The following PLK3 variants were observed in gnomAD, a reference collection of about 807,000 sequenced individuals.
PLK3 encodes polo like kinase 3, also known as serine/threonine-protein kinase PLK3.
PLK3 carries 41 observed loss-of-function variants against 71.6 expected under a neutral mutation model. The ratio of observed to expected loss-of-function variants is 0.57; its 90% confidence interval spans 0.45 to 0.74. PLK3 has a LOEUF of 0.74. Among genes scored for constraint, PLK3 ranks in the 30% least tolerant of loss-of-function variants. The probability of loss-of-function intolerance (pLI) is 0.00; values close to 1 mark genes in which losing one functional copy is unlikely to be tolerated. For missense variants in PLK3, 791 were observed against 875.6 expected, an observed-to-expected ratio of 0.90 and a Z score of 1.22; for synonymous variants, 366 against 355.4, an observed-to-expected ratio of 1.03 and a Z score of -0.33.
In PLK3 at chr1:44,803,602, A is replaced by G; in HGVS notation, c.1075A>G (p.Lys359Glu). ...ACGGTATCACCTTTCACCCCCAGGT[A>G]AGAATCATGCCCAGGAGAGGGATGA... ...KSLFGRKKKS[K>E]NHAQERDEVS... The change falls in exon 9 of 15, where the codon AAG (lysine) becomes GAG (glutamate). Residue 359 changes from lysine (K) to glutamate (E), a missense_variant and splice_region_variant. Physicochemically the swap from Lys to Glu is moderately conservative, Grantham distance 56. Transcript: ENST00000372201. The surrounding 1 kb of genome is among the most constrained non-coding windows in gnomAD (Gnocchi z 4.3). The G allele has an allele frequency of 4.3e-6, 7 of 1,613,604 alleles. No individual in the cohort carries two copies. Among genetic ancestry groups the G allele is most frequent in the Non-Finnish European group, 5.9e-6 (7 of 1,179,542 alleles).
chr1:44,800,674 G>T lies in PLK3; in HGVS notation c.210+1G>T. On this transcript the variant is annotated splice_donor_variant, in intron 1 of 14. Coordinates refer to ENST00000372201, the MANE Select transcript of PLK3 (RefSeq NM_004073.4). LOFTEE classifies it high-confidence loss of function. This position sits in a 1 kb window ranked among gnomAD's most constrained non-coding sequence, Gnocchi z 6.5. ...CCTCAAAGGCCGCTTGTTGGGCAAG[G>T]TGGGCCGAGGGACGTCCGCGGGGTG... 6.4e-7 allele frequency: 1 copy of T among 1,552,996 alleles called. No homozygotes were observed.
chr1:44,801,504 A>G (rs2148854960), intron 3 of PLK3, 118 bp from the exon 4 acceptor site: 2 of 1,121,022 alleles, frequency 1.8e-6, no homozygotes, highest in Non-Finnish European at 2.5e-6. Flanking sequence ...CACTACACCC[A>G]GCCGAGAAGA....
Position 44,800,446 on chromosome 1 carries a change from C to T in PLK3, c.-18C>T, listed in dbSNP as rs1651787511. On this transcript the variant is annotated 5_prime_UTR_variant, in exon 1 of 15. Transcript: ENST00000372201. This position sits in a 1 kb window ranked among gnomAD's most constrained non-coding sequence, Gnocchi z 6.5. The stretch of plus-strand genomic sequence containing the variant: ...GCGGAACCGAGAAGCCGGGACCGCG[C>T]TGCGACGCGCCGGCCGCATGGAGCC... 8 of 1,343,044 alleles carry T rather than the reference C, an allele frequency of 6.0e-6. No homozygotes were observed. The highest frequency in any genetic ancestry group is 7.6e-6 in the Non-Finnish European group (8 of 1,053,836). The allele number at this position is 1,343,044 out of a possible 1,614,324, so 83.2% of individuals were successfully genotyped here.
rs749587381 is a variant in PLK3, at chr1:44,802,997, C to T, written c.792C>T (p.Asp264=). 3.7e-6 allele frequency: 6 copies of T among 1,614,056 alleles called. No individual in the cohort carries two copies. The highest frequency in any genetic ancestry group is 5.1e-6 in the Non-Finnish European group (6 of 1,179,986). ...GGAGCCCTCCCTTTGAGACGGCTGA[C>T]CTGAAGGAGACGTACCGCTGCATCA... ...LCGSPPFETA[D]LKETYRCIKQ... is the part of the protein sequence containing the mutation. The change falls in exon 7 of 15, where the codon GAC becomes GAT. Residue 264 remains aspartate, a synonymous_variant. Coordinates refer to ENST00000372201, the MANE Select transcript of PLK3 (RefSeq NM_004073.4).
chr1:44,804,494 A>C lies in PLK3; in HGVS notation c.1498A>C (p.Asn500His). The C allele has an allele frequency of 6.2e-7, 1 of 1,614,126 alleles. No individual in the cohort carries two copies. Among genetic ancestry groups the C allele is most frequent in the Non-Finnish European group, 8.5e-7 (1 of 1,179,972 alleles). Residue 500 changes from asparagine to histidine, a missense_variant, in exon 12 of 15, where the codon AAC (asparagine) becomes CAC (histidine). Coordinates refer to ENST00000372201, the MANE Select transcript of PLK3 (RefSeq NM_004073.4). ...TGGCACACATATGGCCCTGTCGGCC[A>C]ACAGAAAGTAAGTGCTGTTATGGGG... ...NDGTHMALSA[N>H]RKTVHYNPTS...
At position 44,802,892 on chromosome 1, in the gene PLK3, G is replaced by C. The variant is rs779970320; in HGVS notation, c.749+37G>C. ...GGTCCAGGTTCAGCAGCAGACAGGT[G>C]GTGGGTGTGTGGGTGGAGCATCTCC... On this transcript the variant is annotated intron_variant, in intron 6 of 14. Coordinates refer to ENST00000372201, the MANE Select transcript of PLK3 (RefSeq NM_004073.4). 3.1e-6 allele frequency: 5 copies of C among 1,607,178 alleles called. No homozygotes were observed. The South Asian group carries it at 4.4e-5, about 14-fold the overall frequency.
At position 44,800,954 on chromosome 1, in the gene PLK3, C is replaced by G; in HGVS notation, c.318+7C>G. 1 of 1,612,492 alleles carries G rather than the reference C, an allele frequency of 6.2e-7. No individual in the cohort carries two copies. Among genetic ancestry groups the G allele is most frequent in the Non-Finnish European group, 8.5e-7 (1 of 1,179,268 alleles). On this transcript the variant is annotated splice_region_variant and intron_variant, in intron 2 of 14. Transcript: ENST00000372201. This position sits in a 1 kb window ranked among gnomAD's most constrained non-coding sequence, Gnocchi z 6.5. ...GCCGCATCAGCGCGAGAAGGTGGGT[C>G]CAGGCTCAGCGGGCGAGGGGTGGGG...
At position 44,803,838 on chromosome 1, in the gene PLK3, G is replaced by A; in HGVS notation, c.1165-93G>A. On this transcript the variant is annotated intron_variant, in intron 9 of 14. Transcript: ENST00000372201. This position sits in a 1 kb window ranked among gnomAD's most constrained non-coding sequence, Gnocchi z 4.3. ...CACCAGCCTGGCGGGGCTGACCTGG[G>A]GTGCCCTGGGAGCCAGGGCAGGGCC... 8.7e-7 allele frequency: 1 copy of A among 1,148,722 alleles called. No individual in the cohort carries two copies. The highest frequency in any genetic ancestry group is 1.3e-6 in the Non-Finnish European group (1 of 786,122). 71.2% of individuals were successfully genotyped at this position (1,148,722 alleles called of 1,614,324 possible).
chr1:44,802,610 A>C (rs892453296), intron 5 of PLK3, 150 bp from the exon 6 acceptor site: 2 of 646,612 alleles, frequency 3.1e-6, no homozygotes, highest in African/African-American at 3.6e-5. Context: ...CTCAGCTGCC[A>C]TCCCTGGCAT....
chr1:44,805,564 T>C lies in PLK3; in HGVS notation c.1827T>C (p.Asn609=). The change falls in exon 15 of 15, where the codon AAT becomes AAC. Residue 609 remains asparagine (N), a synonymous_variant. Coordinates refer to ENST00000372201, the MANE Select transcript of PLK3 (RefSeq NM_004073.4). The stretch of plus-strand genomic sequence containing the variant: ...TCCTTGTGACTTTTGTGGCCCGAAA[T>C]CGTAGTGCTTGTACTTACCTCGCTT... ...EPLLVTFVAR[N]RSACTYLASH... The C allele has an allele frequency of 6.2e-7, 1 of 1,614,168 alleles. No individual in the cohort carries two copies. Among genetic ancestry groups the C allele is most frequent in the South Asian group, 1.1e-5 (1 of 91,088 alleles).
At chr1:44,804,575 G>C in intron 12 of PLK3, 74 bp downstream of exon 12, 1 of 1,603,960 alleles carries the variant, frequency 6.2e-7, no homozygotes, top group Non-Finnish European at 8.5e-7. Context: ...AGTGCTCCTG[G>C]GCTCAGGGGT....
rs773145946 is a variant in PLK3, at chr1:44,801,062, A to T, written c.345A>T (p.Arg115=). ...EKILNEIELH[R]DLQHRHIVRF... is the part of the protein sequence containing the mutation. ...TCCTAAATGAGATTGAGCTGCACCG[A>T]GACCTGCAGCACCGCCACATCGTGC... Residue 115 remains arginine, a synonymous_variant, in exon 3 of 15, where the codon CGA becomes CGT. Coordinates refer to ENST00000372201, the MANE Select transcript of PLK3 (RefSeq NM_004073.4). 2.5e-6 allele frequency: 4 copies of T among 1,613,700 alleles called. No individual in the cohort carries two copies. The East Asian group carries it at 6.7e-5, about 27-fold the overall frequency.
chr1:44,803,578 C>G lies in PLK3; in HGVS notation c.1073-22C>G. The G allele has an allele frequency of 6.2e-7, 1 of 1,604,792 alleles. No individual in the cohort carries two copies. Among genetic ancestry groups the G allele is most frequent in the Non-Finnish European group, 8.5e-7 (1 of 1,171,810 alleles). On this transcript the variant is annotated intron_variant, in intron 8 of 14. Coordinates refer to ENST00000372201, the MANE Select transcript of PLK3 (RefSeq NM_004073.4). This position sits in a 1 kb window ranked among gnomAD's most constrained non-coding sequence, Gnocchi z 4.3. ...GAGGGGCTGGGCAGGATACTGAGGA[C>G]GGTATCACCTTTCACCCCCAGGTAA... is the stretch of plus-strand genomic sequence containing the variant.
chr1:44,803,134 G>T lies in PLK3; in HGVS notation c.929G>T (p.Arg310Leu), dbSNP rs755159184. Residue 310 changes from arginine (R) to leucine (L), a missense_variant, in exon 7 of 15, where the codon CGC (arginine) becomes CTC (leucine). By Grantham distance (102) the Arg-to-Leu change is moderately radical. Transcript: ENST00000372201. This position sits in a 1 kb window ranked among gnomAD's most constrained non-coding sequence, Gnocchi z 4.3. ...CGCCCCTCTATTGACCAGATCCTGC[G>T]CCATGACTTCTTTACCAAGGTCTGT... is the stretch of plus-strand genomic sequence containing the variant. ...RDRPSIDQIL[R>L]HDFFTKGYTP... The T allele has an allele frequency of 6.2e-7, 1 of 1,613,582 alleles. No homozygotes were observed. Among genetic ancestry groups the T allele is most frequent in the Non-Finnish European group, 8.5e-7 (1 of 1,179,970 alleles).
In PLK3 at chr1:44,800,523, C is replaced by T; in HGVS notation, c.60C>T (p.Pro20=). ...CCTTCCAGCGTGCGGCCGCCGCGCC[C>T]GCTCCCCCGGCCGGGCCCGGGCCGC... ...PRPFQRAAAA[P]APPAGPGPPP... is the part of the protein sequence containing the mutation. The change falls in exon 1 of 15, where the codon CCC becomes CCT. Residue 20 remains proline (P), a synonymous_variant. Coordinates refer to ENST00000372201, the MANE Select transcript of PLK3 (RefSeq NM_004073.4). The surrounding 1 kb of genome is among the most constrained non-coding windows in gnomAD (Gnocchi z 6.5). The T allele has an allele frequency of 1.4e-6, 2 of 1,456,202 alleles. No homozygotes were observed. Among genetic ancestry groups the T allele is most frequent in the Non-Finnish European group, 1.8e-6 (2 of 1,111,836 alleles). The allele number at this position is 1,456,202 out of a possible 1,614,324, so 90.2% of individuals were successfully genotyped here.
rs17884531 is a variant in PLK3, at chr1:44,803,676, G to A, written c.1149G>A (p.Gln383=). 5,205 of 1,612,920 alleles carry A rather than the reference G, an allele frequency of 3.2e-3. 15 individuals carry two copies. Among genetic ancestry groups the A allele is most frequent in the Non-Finnish European group, 3.9e-3 (4,579 of 1,179,318 alleles). Residue 383 remains glutamine, a synonymous_variant, in exon 9 of 15, where the codon CAG becomes CAA. Transcript: ENST00000372201. This position sits in a 1 kb window ranked among gnomAD's most constrained non-coding sequence, Gnocchi z 4.3. ...SGLMRTSVGH[Q]DARPEAPAAS... is the part of the protein sequence containing the mutation. ...TCATGCGCACATCCGTTGGCCATCA[G>A]GATGCCAGGCCAGAGGTGAGGCGCT...
chr1:44,804,555 C>A, intron 12 of PLK3, 54 bp downstream of exon 12: 1 of 1,606,152 alleles, frequency 6.2e-7, no homozygotes, highest in Non-Finnish European at 8.5e-7. Context: ...AGCAGGGCCG[C>A]ACCCTCGTGA....
Position 44,803,086 on chromosome 1 carries a change from T to C in PLK3, c.881T>C (p.Ile294Thr). The C allele has an allele frequency of 6.2e-7, 1 of 1,613,918 alleles. No homozygotes were observed. Among genetic ancestry groups the C allele is most frequent in the Non-Finnish European group, 8.5e-7 (1 of 1,180,000 alleles). Residue 294 changes from isoleucine to threonine, a missense_variant, in exon 7 of 15, where the codon ATC becomes ACC. Ile to Thr is a moderately conservative substitution (Grantham distance 89, BLOSUM62 -1). Coordinates refer to ENST00000372201, the MANE Select transcript of PLK3 (RefSeq NM_004073.4). The surrounding 1 kb of genome is among the most constrained non-coding windows in gnomAD (Gnocchi z 4.3). ...SLPARQLLAAILRASPRDRPS... is the reference protein window; with the variant it reads ...SLPARQLLAATLRASPRDRPS... ...CCTGCCCGGCAGCTCCTGGCCGCCA[T>C]CCTTCGGGCCTCACCCCGAGACCGC...
chr1:44,804,113 C>G (rs1198547459), intron 10 of PLK3, 50 bp from the exon 11 acceptor site: 2 of 1,568,890 alleles, frequency 1.3e-6, no homozygotes, highest in Non-Finnish European at 1.8e-6. Flanking sequence ...GGGGCCTGGC[C>G]TGGGTCCTGG....
Sources: allele counts gnomAD v4.1 joint callset, GRCh38; gene constraint gnomAD v4.1.1; non-coding constraint Gnocchi (gnomAD v3.1); transcripts MANE v1.5; gene names NCBI Gene and HGNC (gene_info 2026-07-23, HGNC 2026-07-21).